The following CSMD3 variants were observed in gnomAD, a reference collection of about 807,000 sequenced individuals.
The protein encoded by CSMD3 is CUB and Sushi multiple domains 3.
Under a neutral mutation model 435.2 loss-of-function variants are expected in CSMD3, and 177 were observed. That is an observed-to-expected ratio of 0.41 (90% CI 0.36 to 0.46). CSMD3 has a LOEUF of 0.46. CSMD3 is among the 20% of genes least tolerant of loss of function. CSMD3 has a pLI of 0.34. For missense variants in CSMD3, 4,265 were observed against 4,504.6 expected, an observed-to-expected ratio of 0.95 and a Z score of 1.52; for synonymous variants, 1,656 against 1,520.5, an observed-to-expected ratio of 1.09 and a Z score of -2.07.
chr8:113,371,649 T>G (rs2094346677), intron 1 of CSMD3, among the ~76,000 whole-genome samples: 1 of 152,130 alleles, frequency 6.6e-6, no homozygotes, highest in African/African-American at 2.4e-5. Flanking sequence ...TCACAATAAA[T>G]CATAGTGGGA....
chr8:113,263,999 T>A (rs2093448035), intron 3 of CSMD3, among the ~76,000 whole-genome samples: 1 of 151,528 alleles, frequency 6.6e-6, no homozygotes, highest in African/African-American at 2.4e-5. Flanking sequence ...GATTTGTACA[T>A]TTTACTTTAT....
intron 61 of CSMD3, among the ~76,000 whole-genome samples, chr8:112,260,012 T>C (rs373424638): frequency 2.6e-4 from 39 of 152,296 alleles, no homozygotes; most frequent in African/African-American, 9.1e-4. Context: ...TCTATTTCTA[T>C]CCGTGAATTT....
At chr8:112,600,779 G>A (rs904489036) in intron 22 of CSMD3, among the ~76,000 whole-genome samples, 8 of 151,556 alleles carry the variant, frequency 5.3e-5, no homozygotes, top group South Asian at 2.1e-4. Context: ...CCAAGTTCAC[G>A]CCATTCTCCT....
chr8:112,479,859 G>A (rs1358458304), intron 31 of CSMD3, among the ~76,000 whole-genome samples: 1 of 152,156 alleles, frequency 6.6e-6, no homozygotes, highest in African/African-American at 2.4e-5. Context: ...GGGAAATGTG[G>A]GATTGTAGAA....
intron 3 of CSMD3, among the ~76,000 whole-genome samples, chr8:113,196,052 G>C (rs1051221842): frequency 2.7e-5 from 4 of 150,414 alleles, no homozygotes; most frequent in Non-Finnish European, 6.0e-5. Flanking sequence ...AATAAATATT[G>C]GGCGGAAACT....
chr8:113,375,049 G>A (rs1164103615), intron 1 of CSMD3, among the ~76,000 whole-genome samples: 1 of 151,940 alleles, frequency 6.6e-6, no homozygotes. Flanking sequence ...TAACAAAAGA[G>A]TAGAATTTTA....
At chr8:113,186,986 G>T (rs543273477) in intron 3 of CSMD3, among the ~76,000 whole-genome samples, 195 of 151,976 alleles carry the variant, frequency 1.3e-3, no homozygotes, top group Non-Finnish European at 1.9e-3. Context: ...TCCCATTGGG[G>T]ATTTTCAATT....
At chr8:113,286,677 C>T (rs898724231) in intron 2 of CSMD3, among the ~76,000 whole-genome samples, 3 of 150,786 alleles carry the variant, frequency 2.0e-5, no homozygotes, top group African/African-American at 7.4e-5. Context: ...TTGAGAAGAA[C>T]GACCACACAT....
chr8:112,269,431 G>C (rs528584090), intron 59 of CSMD3, among the ~76,000 whole-genome samples: 11 of 152,232 alleles, frequency 7.2e-5, no homozygotes. Flanking sequence ...GGTCCTTTTG[G>C]ACGCAGAAGT....
At position 112,342,398 on chromosome 8, in the gene CSMD3, A is replaced by G. The variant is rs189935094; in HGVS notation, c.6443-712T>C. ...ATTTGCTTAATTAATTTAACACTCA[A>G]TTTTAGTAAATTTGATGTTTTTCTT... On this transcript the variant is annotated intron_variant, in intron 41 of 70. Coordinates refer to ENST00000297405, the MANE Select transcript of CSMD3 (RefSeq NM_198123.2). Among the ~76,000 whole-genome samples, 242 of 152,228 alleles carry G rather than the reference A, an allele frequency of 1.6e-3. 1 individual carries two copies. The highest frequency in any genetic ancestry group is 2.9e-3 in the Non-Finnish European group (194 of 67,978).
intron 6 of CSMD3, among the ~76,000 whole-genome samples, chr8:113,017,980 T>C (rs1249721349): frequency 3.3e-5 from 5 of 152,060 alleles, no homozygotes; most frequent in Non-Finnish European, 7.4e-5. Flanking sequence ...TTTAAAAGCA[T>C]ATTTGCATTT....
At position 112,526,410 on chromosome 8, in the gene CSMD3, T is replaced by A. The variant is rs528629369; in HGVS notation, c.4565-9185A>T. Reference sequence around the variant, plus strand: ...GCTTTACTTTGTCTCTCTCTCTCTCTCACACAACCACACCCACAACCCACA... The same window carrying A: ...GCTTTACTTTGTCTCTCTCTCTCTCACACACAACCACACCCACAACCCACA... On this transcript the variant is annotated intron_variant, in intron 27 of 70. Coordinates refer to ENST00000297405, the MANE Select transcript of CSMD3 (RefSeq NM_198123.2). 4.1e-4 allele frequency among the ~76,000 whole-genome samples: 63 copies of A among 151,886 alleles called. No homozygotes were observed. In the East Asian group the frequency reaches 8.9e-3, roughly 21 times the overall value.
intron 23 of CSMD3, among the ~76,000 whole-genome samples, chr8:112,581,397 A>T (rs901265490): frequency 6.6e-6 from 1 of 152,108 alleles, no homozygotes; most frequent in African/African-American, 2.4e-5. Context: ...GGGCATGTTT[A>T]TCTAATAATA....
At chr8:112,711,570 T>A (rs899755783) in intron 13 of CSMD3, among the ~76,000 whole-genome samples, 3 of 152,154 alleles carry the variant, frequency 2.0e-5, no homozygotes, top group Non-Finnish European at 2.9e-5. Flanking sequence ...GAGGTGGAAC[T>A]ACTGGAACTC....
At chr8:113,349,118 C>T (rs2094172514) in intron 1 of CSMD3, among the ~76,000 whole-genome samples, 1 of 152,022 alleles carries the variant, frequency 6.6e-6, no homozygotes, top group South Asian at 2.1e-4. Flanking sequence ...CAGCTAAAAA[C>T]TGTTGTCTGT....
chr8:112,335,750 T>C (rs922630597), intron 44 of CSMD3, among the ~76,000 whole-genome samples: 2 of 151,720 alleles, frequency 1.3e-5, no homozygotes, highest in Non-Finnish European at 2.9e-5. Flanking sequence ...TTTTTTTTTT[T>C]TTACCAAAAC....
intron 22 of CSMD3, among the ~76,000 whole-genome samples, chr8:112,594,315 T>TA (rs755271519): frequency 6.6e-6 from 1 of 152,068 alleles, no homozygotes; most frequent in African/African-American, 2.4e-5. Context: ...CGGACCGGCT[T>TA]AAAAAACGGC....
chr8:112,276,996 C>A (rs1174779902), intron 59 of CSMD3, among the ~76,000 whole-genome samples: 1 of 152,006 alleles, frequency 6.6e-6, no homozygotes, highest in Non-Finnish European at 1.5e-5. Context: ...GACCTCCAGG[C>A]CTGTGATGGG....
intron 38 of CSMD3, among the ~76,000 whole-genome samples, chr8:112,354,961 G>A (rs1318029145): frequency 6.6e-6 from 1 of 152,094 alleles, no homozygotes; most frequent in Non-Finnish European, 1.5e-5. Context: ...TATACTACAA[G>A]GCTATGGTAA....
Sources: allele counts gnomAD v4.1 joint callset (sites outside exome capture counted in the v4.1 genomes callset), GRCh38; gene constraint gnomAD v4.1.1; transcripts MANE v1.5; gene names NCBI Gene and HGNC (gene_info 2026-07-23, HGNC 2026-07-21).